Variants in FHL5 observed in about 807,000 individuals in gnomAD.
The protein encoded by FHL5 is four and a half LIM domains protein 5.
In FHL5, 33 loss-of-function variants were observed where a neutral mutation model predicts 32.0. That is an observed-to-expected ratio of 1.03 (90% CI 0.78 to 1.38). The LOEUF (loss-of-function observed/expected upper bound fraction) is 1.38. FHL5 is among the 40% of genes most tolerant of loss of function. FHL5 has a pLI of 0.00. For synonymous variants in FHL5, 114 were observed against 113.6 expected (o/e 1.00, Z -0.02); for missense variants, 336 against 343.9 (o/e 0.98, Z 0.18).
rs1185703798 is a variant in FHL5, at chr6:96,604,936, A to C, written c.334+12A>C. ...GACCATCATGCCTGGTAGGGTCTCA[A>C]GGGGGCTCCTGTCTCTAACTGAAGC... On this transcript the variant is annotated intron_variant, in intron 3 of 5. Transcript: ENST00000450218. The C allele has an allele frequency of 6.3e-6, 10 of 1,581,958 alleles. No individual in the cohort carries two copies. Among genetic ancestry groups the C allele is most frequent in the Non-Finnish European group, 8.6e-6 (10 of 1,161,946 alleles).
intron 1 of FHL5, among the ~76,000 whole-genome samples, chr6:96,573,731 C>T (rs2127960046): frequency 6.6e-6 from 1 of 151,842 alleles, no homozygotes; most frequent in South Asian, 2.1e-4. Flanking sequence ...CCATGTTAGC[C>T]AAGTTGGTCT....
chr6:96,573,288 C>T (rs983825095), intron 1 of FHL5, among the ~76,000 whole-genome samples: 18 of 152,072 alleles, frequency 1.2e-4, no homozygotes, highest in African/African-American at 4.3e-4. Context: ...GACCAAATGC[C>T]TCTTAGTATA....
intron 3 of FHL5, among the ~76,000 whole-genome samples, chr6:96,605,359 T>C (rs575378049): frequency 3.9e-5 from 6 of 152,190 alleles, no homozygotes; most frequent in Non-Finnish European, 8.8e-5. Context: ...GAAGACAGGG[T>C]TCATGTATAT....
intron 5 of FHL5, 62 bp from the exon 6 acceptor site, chr6:96,615,547 C>T: frequency 7.2e-7 from 1 of 1,380,260 alleles, no homozygotes; most frequent in Non-Finnish European, 9.9e-7. Flanking sequence ...GGAGCATCTG[C>T]TAGAATGCTC....
chr6:96,567,765 C>T (rs1770389097), intron 1 of FHL5, among the ~76,000 whole-genome samples: 1 of 113,040 alleles, frequency 8.8e-6, no homozygotes, highest in Non-Finnish European at 1.8e-5. Context: ...CAATTTGTTT[C>T]TTGATTTTTT....
intron 1 of FHL5, among the ~76,000 whole-genome samples, chr6:96,590,218 A>C (rs1228028010): frequency 6.6e-6 from 1 of 152,034 alleles, no homozygotes; most frequent in Non-Finnish European, 1.5e-5. Flanking sequence ...TTGCATCTAT[A>C]GGGCAAATGA....
At chr6:96,606,387 T>A (rs113657700) in intron 4 of FHL5, among the ~76,000 whole-genome samples, 6,707 of 152,220 alleles carry the variant, frequency 0.044, 387 homozygotes, top group African/African-American at 0.13. Flanking sequence ...AATCTCGCTC[T>A]GTCACCCAGG....
intron 1 of FHL5, among the ~76,000 whole-genome samples, chr6:96,569,893 C>A (rs1415885199): frequency 6.6e-6 from 1 of 151,334 alleles, no homozygotes; most frequent in African/African-American, 2.4e-5. Flanking sequence ...CTGTTTACAG[C>A]CAAGGTTATT....
At chr6:96,578,368 G>A (rs928438753) in intron 1 of FHL5, among the ~76,000 whole-genome samples, 5 of 152,136 alleles carry the variant, frequency 3.3e-5, no homozygotes, top group Admixed American at 2.0e-4. Flanking sequence ...GTCATAAAGA[G>A]CAAAGCTGAG....
chr6:96,602,840 A>G (rs1250157731), intron 1 of FHL5, among the ~76,000 whole-genome samples: 3 of 152,270 alleles, frequency 2.0e-5, no homozygotes, highest in Non-Finnish European at 4.4e-5. Context: ...TGATGATTTT[A>G]TCTGCACTTC....
chr6:96,599,322 C>T (rs937275022), intron 1 of FHL5, among the ~76,000 whole-genome samples: 8 of 151,232 alleles, frequency 5.3e-5, no homozygotes, highest in African/African-American at 1.9e-4. Context: ...CAGCCTCCCT[C>T]GTAGCTGAAA....
chr6:96,593,357 G>C (rs1192685161), intron 1 of FHL5, among the ~76,000 whole-genome samples: 1 of 151,892 alleles, frequency 6.6e-6, no homozygotes, highest in African/African-American at 2.4e-5. Flanking sequence ...GGTCATTTTT[G>C]TTTAGTGCTA....
At chr6:96,594,250 T>C (rs1562059630) in intron 1 of FHL5, among the ~76,000 whole-genome samples, 5 of 131,916 alleles carry the variant, frequency 3.8e-5, no homozygotes, top group Non-Finnish European at 8.0e-5. Flanking sequence ...TATATATATA[T>C]ATATATATAT....
chr6:96,574,245 T>A (rs377601285), intron 1 of FHL5, among the ~76,000 whole-genome samples: 2 of 152,344 alleles, frequency 1.3e-5, no homozygotes, highest in South Asian at 4.1e-4. Flanking sequence ...TAATTAAACT[T>A]AAGCATACTT....
chr6:96,615,837 G>T lies in FHL5; in HGVS notation c.*65G>T, dbSNP rs1047588645. 3 of 1,353,554 alleles carry T rather than the reference G, an allele frequency of 2.2e-6. No individual in the cohort carries two copies. The highest frequency in any genetic ancestry group is 2.0e-6 in the Non-Finnish European group (2 of 1,000,760). 83.8% of individuals were successfully genotyped at this position (1,353,554 alleles called of 1,614,324 possible). ...TTGTCACTAAAGCCAGAACTCAGTT[G>T]CGGTCTTATTTTTGACTTAAGTTTT... is the stretch of plus-strand genomic sequence containing the variant. On this transcript the variant is annotated 3_prime_UTR_variant, in exon 6 of 6. Transcript: ENST00000450218.
chr6:96,594,224 AATTTATATATATATATAT>A (rs1217413216), intron 1 of FHL5, among the ~76,000 whole-genome samples: 5 of 102,712 alleles, frequency 4.9e-5, no homozygotes, highest in African/African-American at 1.6e-4. Flanking sequence ...TAAATATTAG[AATTTATATATATATATAT>A]ATATATATAT....
intron 1 of FHL5, among the ~76,000 whole-genome samples, chr6:96,595,149 C>T (rs2971606): frequency 6.6e-6 from 1 of 151,286 alleles, no homozygotes; most frequent in Admixed American, 6.6e-5. Flanking sequence ...CTTTAGAATT[C>T]CCTTCAGTGA....
chr6:96,571,478 C>T (rs138940554), intron 1 of FHL5, among the ~76,000 whole-genome samples: 33 of 152,266 alleles, frequency 2.2e-4, no homozygotes, highest in Non-Finnish European at 3.5e-4. Context: ...ATGGGTTCTA[C>T]GTGCAGTGAT....
chr6:96,577,836 T>A (rs1770614617), intron 1 of FHL5, among the ~76,000 whole-genome samples: 1 of 152,128 alleles, frequency 6.6e-6, no homozygotes, highest in Admixed American at 6.5e-5. Flanking sequence ...CTTTTTACCT[T>A]TTTACCAACT....
Sources: gnomAD v4.1 joint callset for allele counts (sites outside exome capture counted in the v4.1 genomes callset) on GRCh38, gnomAD v4.1.1 for gene constraint, MANE v1.5 for transcripts, NCBI Gene and HGNC (gene_info 2026-07-23, HGNC 2026-07-21) for gene names.